The following PITHD1 variants were observed in gnomAD, a reference collection of about 807,000 sequenced individuals.
PITHD1 encodes the protein PITH domain-containing protein 1.
Under a neutral mutation model 27.5 loss-of-function variants are expected in PITHD1, and 8 were observed. The ratio of observed to expected loss-of-function variants is 0.29; its 90% confidence interval spans 0.17 to 0.52. PITHD1 has a LOEUF of 0.52. Ranked by LOEUF, PITHD1 falls within the 20% of genes least tolerant of loss-of-function variation. The pLI, the probability that PITHD1 is intolerant of heterozygous loss-of-function variation, is 0.96. For missense variants in PITHD1, 233 were observed against 283.9 expected, an observed-to-expected ratio of 0.82 and a Z score of 1.29; for synonymous variants, 118 against 106.8, an observed-to-expected ratio of 1.10 and a Z score of -0.64.
In PITHD1 at chr1:23,787,339, T is replaced by C; in HGVS notation, c.599T>C (p.Val200Ala). ...EASANPADHR[V>A]HQVTPQTHFI... is the part of the protein sequence containing the mutation. ...TCTGCCAACCCAGCAGACCATAGGG[T>C]CCATCAGGTTACCCCACAGACACAC... Residue 200 changes from valine (V) to alanine (A), a missense_variant, in exon 6 of 6, where the codon GTC (valine) becomes GCC (alanine). By Grantham distance (64) the Val-to-Ala change is moderately conservative (BLOSUM62 0). Transcript: ENST00000246151. 1.2e-6 allele frequency: 2 copies of C among 1,612,234 alleles called. No homozygotes were observed. The highest frequency in any genetic ancestry group is 2.2e-5 in the East Asian group (1 of 44,864).
rs1168879556 is a variant in PITHD1 at position 23,779,867 on chromosome 1, T to C, written c.246T>C (p.Phe82=). Residue 82 remains phenylalanine, a synonymous_variant, in exon 3 of 6, where the codon TTT becomes TTC. Coordinates refer to ENST00000246151, the MANE Select transcript of PITHD1 (RefSeq NM_020362.5). The part of the protein sequence containing the change: ...ADEELLFNIP[F]TGNVKLKGII... ...CTTCTCTTTTGCATTCTGGCAGATTTACGGGCAATGTCAAGCTCAAAGGCA... is the reference window on the plus strand; with the variant it reads ...CTTCTCTTTTGCATTCTGGCAGATTCACGGGCAATGTCAAGCTCAAAGGCA... The C allele has an allele frequency of 2.5e-6, 4 of 1,612,594 alleles. No individual in the cohort carries two copies. Among genetic ancestry groups the C allele is most frequent in the Non-Finnish European group, 3.4e-6 (4 of 1,178,708 alleles).
chr1:23,786,263 A>G, intron 4 of PITHD1, 52 bp from the exon 5 acceptor site: 1 of 778,666 alleles, frequency 1.3e-6, no homozygotes, highest in Non-Finnish European at 2.2e-6. Context: ...GTGGTGAGAT[A>G]CTCATTGAAC....
chr1:23,779,622 A>G (rs1217086607), intron 2 of PITHD1, 141 bp downstream of exon 2: 8 of 735,622 alleles, frequency 1.1e-5, no homozygotes, highest in East Asian at 2.5e-5. Flanking sequence ...GGAGGAAAGC[A>G]TCATAGCTTT....
intron 3 of PITHD1, among the ~76,000 whole-genome samples, chr1:23,780,968 G>A (rs1638588236): frequency 6.6e-6 from 1 of 151,916 alleles, no homozygotes; most frequent in African/African-American, 2.4e-5. Context: ...TTGGGATGCC[G>A]AGACTGGTTA....
At chr1:23,780,085 T>C (rs1258756179) in intron 3 of PITHD1, 144 bp downstream of exon 3, 1 of 615,206 alleles carries the variant, frequency 1.6e-6, no homozygotes, top group Non-Finnish European at 2.9e-6. Context: ...TCATTCTGCA[T>C]TGGAATACAT....
At chr1:23,784,341 T>G (rs1638653711) in intron 3 of PITHD1, among the ~76,000 whole-genome samples, 2 of 145,670 alleles carry the variant, frequency 1.4e-5, no homozygotes, top group Non-Finnish European at 1.5e-5. Flanking sequence ...CCCAGGTTCA[T>G]GCCATTCTCC....
intron 3 of PITHD1, 52 bp from the exon 4 acceptor site, chr1:23,785,623 C>T (rs1638671191): frequency 1.7e-6 from 2 of 1,193,408 alleles, no homozygotes; most frequent in Non-Finnish European, 2.5e-6. Context: ...TTTTGAAAAC[C>T]TGAAACGTGA....
At chr1:23,781,258 T>C (rs958949203) in intron 3 of PITHD1, among the ~76,000 whole-genome samples, 10 of 150,972 alleles carry the variant, frequency 6.6e-5, no homozygotes, top group African/African-American at 2.4e-4. Flanking sequence ...AGGCCAGGAG[T>C]TCAAGATCAT....
At position 23,779,610 on chromosome 1, in the gene PITHD1, G is replaced by C. The variant is rs1279624997; in HGVS notation, c.242+129G>C. 7.7e-6 allele frequency: 6 copies of C among 783,566 alleles called. No homozygotes were observed. In the Admixed American group the frequency reaches 1.0e-4, roughly 14 times the overall value. 48.5% of individuals were successfully genotyped at this position (783,566 alleles called of 1,614,324 possible). On this transcript the variant is annotated intron_variant, in intron 2 of 5. Coordinates refer to ENST00000246151, the MANE Select transcript of PITHD1 (RefSeq NM_020362.5). ...TGGGATAAATTACTTTGGTGGGTTTGAGGAGGAAAGCATCATAGCTTTCTT... is the reference window on the plus strand; with the variant it reads ...TGGGATAAATTACTTTGGTGGGTTTCAGGAGGAAAGCATCATAGCTTTCTT...
intron 3 of PITHD1, 110 bp downstream of exon 3, chr1:23,780,051 T>A: frequency 1.4e-6 from 1 of 719,118 alleles, no homozygotes. Context: ...ATATTTCCCC[T>A]TTTAAAATAT....
At chr1:23,779,551 A>G in intron 2 of PITHD1, 70 bp downstream of exon 2, 1 of 1,158,180 alleles carries the variant, frequency 8.6e-7, no homozygotes, top group Non-Finnish European at 1.3e-6. Flanking sequence ...GGATTCATTC[A>G]CTGGTGTCAA....
intron 3 of PITHD1, among the ~76,000 whole-genome samples, chr1:23,784,951 C>A (rs1638661843): frequency 6.6e-6 from 1 of 152,200 alleles, no homozygotes; most frequent in Admixed American, 6.5e-5. Context: ...GTTACCTGAT[C>A]TTTTATCTCT....
intron 3 of PITHD1, among the ~76,000 whole-genome samples, chr1:23,782,974 G>A (rs563440343): frequency 6.6e-6 from 1 of 151,978 alleles, no homozygotes. Flanking sequence ...TTGTAAAATG[G>A]TATTAAATAT....
At chr1:23,779,160 A>C (rs928318000) in intron 1 of PITHD1, among the ~76,000 whole-genome samples, 1 of 152,194 alleles carries the variant, frequency 6.6e-6, no homozygotes, top group Non-Finnish European at 1.5e-5. Context: ...AGAAAAATGC[A>C]CATAAACACC....
intron 3 of PITHD1, 60 bp downstream of exon 3, chr1:23,780,001 T>TCCAGAAATATTCTGGTACTA: frequency 9.5e-7 from 1 of 1,049,678 alleles, no homozygotes; most frequent in Admixed American, 1.8e-5. Context: ...CTGGTAACAT[T>TCCAGAAATATTCTGGTACTA]TTATTCCAGA....
At position 23,787,424 on chromosome 1, in the gene PITHD1, G is replaced by A. The variant is rs1324590708; in HGVS notation, c.*48G>A. ...AGGCGCTGTGTCAGTGAAGATGTAC[G>A]ACTACCTGTTGGGAAGGACAAAGGG... On this transcript the variant is annotated 3_prime_UTR_variant, in exon 6 of 6. Coordinates refer to ENST00000246151, the MANE Select transcript of PITHD1 (RefSeq NM_020362.5). The A allele has an allele frequency of 6.6e-6, 7 of 1,063,356 alleles. No individual in the cohort carries two copies. The highest frequency in any genetic ancestry group is 2.1e-4 in the Middle Eastern group (1 of 4,870). The allele number at this position is 1,063,356 out of a possible 1,614,324, so 65.9% of individuals were successfully genotyped here.
At chr1:23,784,555 A>G (rs887822432) in intron 3 of PITHD1, among the ~76,000 whole-genome samples, 4 of 152,098 alleles carry the variant, frequency 2.6e-5, no homozygotes, top group Non-Finnish European at 5.9e-5. Flanking sequence ...CTTAAATTAC[A>G]TGCATTTTGC....
chr1:23,784,234 C>CTTTTTTTTTTTT (rs774484769), intron 3 of PITHD1, among the ~76,000 whole-genome samples: 24 of 81,436 alleles, frequency 2.9e-4, no homozygotes, highest in Non-Finnish European at 4.2e-4. Context: ...CATTTGCTTT[C>CTTTTTTTTTTTT]TTTTTTTTTT....
At position 23,778,547 on chromosome 1, in the gene PITHD1, G is replaced by C; in HGVS notation, c.32G>C (p.Gly11Ala). Reference sequence around the variant, plus strand: ...CACGGTCACAGCCACGGCGGGGGTGGCTGCCGCTGCGCCGCCGAACGGGAG... The same window carrying C: ...CACGGTCACAGCCACGGCGGGGGTGCCTGCCGCTGCGCCGCCGAACGGGAG... MSHGHSHGGG[G>A]CRCAAEREEP... The change falls in exon 1 of 6, where the codon GGC becomes GCC. Residue 11 changes from glycine to alanine, a missense_variant. Transcript: ENST00000246151. 1 of 1,339,580 alleles carries C rather than the reference G, an allele frequency of 7.5e-7. No individual in the cohort carries two copies. The highest frequency in any genetic ancestry group is 1.5e-5 in the African/African-American group (1 of 65,282). The allele number at this position is 1,339,580 out of a possible 1,614,324, so 83.0% of individuals were successfully genotyped here. A position where few individuals can be genotyped will look rare whatever the true frequency, so the allele number is the denominator to read the frequency against.
Sources: gnomAD v4.1 joint callset for allele counts (sites outside exome capture counted in the v4.1 genomes callset) on GRCh38, gnomAD v4.1.1 for gene constraint, MANE v1.5 for transcripts, NCBI Gene and HGNC (gene_info 2026-07-23, HGNC 2026-07-21) for gene names.